Variants in CHN2 observed in about 807,000 individuals in gnomAD.
CHN2 encodes chimerin 2.
In CHN2, 35 loss-of-function variants were observed where a neutral mutation model predicts 56.3. That is an observed-to-expected ratio of 0.62 (90% CI 0.47 to 0.82). The LOEUF (loss-of-function observed/expected upper bound fraction) is 0.82. Ranked by LOEUF, CHN2 falls within the 40% of genes least tolerant of loss-of-function variation. The pLI is 0.00. For synonymous variants in CHN2, 210 were observed against 212.8 expected (o/e 0.99, Z 0.12); for missense variants, 491 against 580.5 (o/e 0.85, Z 1.58).
chr7:29,493,010 T>C (rs1788825121), intron 7 of CHN2, among the ~76,000 whole-genome samples: 1 of 152,220 alleles, frequency 6.6e-6, no homozygotes, highest in Admixed American at 6.5e-5. Flanking sequence ...TATAATCATG[T>C]GCTATATAAC....
chr7:29,152,689 G>T (rs1372236141), intron 2 of CHN2, among the ~76,000 whole-genome samples: 1 of 152,210 alleles, frequency 6.6e-6, no homozygotes, highest in Admixed American at 6.5e-5. Flanking sequence ...ACCTGACACA[G>T]AGCTGTTAAA....
chr7:29,392,018 A>G (rs931606173), intron 3 of CHN2, among the ~76,000 whole-genome samples: 3 of 152,240 alleles, frequency 2.0e-5, no homozygotes, highest in African/African-American at 7.2e-5. Context: ...GGAAGGGAAT[A>G]GGGTTGAGAG....
At chr7:29,487,269 G>A (rs920848551) in intron 7 of CHN2, among the ~76,000 whole-genome samples, 18 of 150,790 alleles carry the variant, frequency 1.2e-4, no homozygotes, top group Admixed American at 1.1e-3. Flanking sequence ...AGGCTGTTTT[G>A]CCAGAAACAA....
At chr7:29,442,075 G>A (rs1294534364) in intron 6 of CHN2, among the ~76,000 whole-genome samples, 2 of 152,128 alleles carry the variant, frequency 1.3e-5, no homozygotes, top group Non-Finnish European at 2.9e-5. Context: ...TGGTATATAC[G>A]TACAGTTGAA....
At chr7:29,195,629 A>AGAGAGAGAGAGAGTGTGTGTGT (rs869037854) in intron 1 of CHN2, among the ~76,000 whole-genome samples, 2 of 117,574 alleles carry the variant, frequency 1.7e-5, no homozygotes, top group African/African-American at 3.6e-5. Context: ...AGAGAGAGAG[A>AGAGAGAGAGAGAGTGTGTGTGT]GTGTGTGTGT....
chr7:29,374,161 A>G (rs1397590330), intron 3 of CHN2, among the ~76,000 whole-genome samples: 1 of 151,846 alleles, frequency 6.6e-6, no homozygotes, highest in Non-Finnish European at 1.5e-5. Context: ...TTCCCCCTTA[A>G]TGCCGACACA....
At chr7:29,453,961 G>A (rs149130856) in intron 6 of CHN2, among the ~76,000 whole-genome samples, 46 of 152,126 alleles carry the variant, frequency 3.0e-4, no homozygotes, top group African/African-American at 9.4e-4. Flanking sequence ...CCCACCTTCC[G>A]TCACGGCCCG....
At chr7:29,195,629 A>AGAGAGAGAGG (rs869037854) in intron 1 of CHN2, among the ~76,000 whole-genome samples, 1 of 117,504 alleles carries the variant, frequency 8.5e-6, no homozygotes, top group African/African-American at 3.6e-5. Context: ...AGAGAGAGAG[A>AGAGAGAGAGG]GTGTGTGTGT....
At chr7:29,354,213 T>C (rs1798109800) in intron 1 of CHN2, among the ~76,000 whole-genome samples, 1 of 152,230 alleles carries the variant, frequency 6.6e-6, no homozygotes, top group Admixed American at 6.5e-5. Context: ...TACTTGCCGC[T>C]TTGCGTCTTG....
upstream of CHN2, chr7:29,191,522 C>A (rs577121675): frequency 1.3e-5 from 2 of 152,262 alleles, no homozygotes; most frequent in African/African-American, 4.8e-5. Context: ...AAGGGGGGAA[C>A]AGAGATTAGA....
At chr7:29,377,932 G>C (rs1800200085) in intron 3 of CHN2, among the ~76,000 whole-genome samples, 1 of 152,184 alleles carries the variant, frequency 6.6e-6, no homozygotes, top group African/African-American at 2.4e-5. Context: ...GCCCAACAAA[G>C]GCATATTTGG....
At chr7:29,448,630 T>G (rs1039775177) in intron 6 of CHN2, among the ~76,000 whole-genome samples, 1 of 152,230 alleles carries the variant, frequency 6.6e-6, no homozygotes, top group East Asian at 1.9e-4. Flanking sequence ...TTCATTTCTG[T>G]AATAGATCAC....
chr7:29,482,109 G>A lies in CHN2; in HGVS notation c.654+1753G>A, dbSNP rs1276009418. On this transcript the variant is annotated intron_variant, in intron 7 of 12. Transcript: ENST00000222792. ...TAACACAATATATTACTTATCACTG[G>A]AAAACACCAGCAGCTCTTCTAATAT... Among the ~76,000 whole-genome samples, 6 of 152,028 alleles carry A rather than the reference G, an allele frequency of 3.9e-5. No individual in the cohort carries two copies. In the South Asian group the frequency reaches 1.2e-3, roughly 32 times the overall value.
chr7:29,339,369 A>G (rs1314737280), intron 1 of CHN2, among the ~76,000 whole-genome samples: 1 of 152,144 alleles, frequency 6.6e-6, no homozygotes, highest in Admixed American at 6.5e-5. Context: ...CTCAGCCCTT[A>G]GCAGTCTCTT....
At chr7:29,283,922 CTTTTTTTT>C (rs70980520) in intron 1 of CHN2, among the ~76,000 whole-genome samples, 6 of 69,956 alleles carry the variant, frequency 8.6e-5, no homozygotes, top group Admixed American at 1.8e-4. Flanking sequence ...CAGCCAAGCT[CTTTTTTTT>C]TTTTTTTTTT....
chr7:29,339,580 C>T (rs1438821848), intron 1 of CHN2, among the ~76,000 whole-genome samples: 1 of 152,080 alleles, frequency 6.6e-6, no homozygotes, highest in Non-Finnish European at 1.5e-5. Flanking sequence ...TAGCCGGGCA[C>T]GGTGGCTCAC....
intron 6 of CHN2, among the ~76,000 whole-genome samples, chr7:29,416,069 C>T (rs1179410366): frequency 6.6e-6 from 1 of 152,172 alleles, no homozygotes; most frequent in East Asian, 1.9e-4. Context: ...CTGCGTTAAC[C>T]TACAGGGCTT....
At chr7:29,376,762 CCCAGATGTACTTCCT>C (rs1435775330) in intron 3 of CHN2, among the ~76,000 whole-genome samples, 1 of 152,132 alleles carries the variant, frequency 6.6e-6, no homozygotes, top group African/African-American at 2.4e-5. Flanking sequence ...CCTTATTTTT[CCCAGATGTACTTCCT>C]CCCAGATGTT....
At chr7:29,307,546 T>C (rs1484794475) in intron 1 of CHN2, among the ~76,000 whole-genome samples, 4 of 152,164 alleles carry the variant, frequency 2.6e-5, no homozygotes, top group Non-Finnish European at 5.9e-5. Flanking sequence ...GTGACCTTGA[T>C]TGAGATGGGC....
Sources: allele counts gnomAD v4.1 joint callset (sites outside exome capture counted in the v4.1 genomes callset), GRCh38; gene constraint gnomAD v4.1.1; transcripts MANE v1.5; gene names NCBI Gene and HGNC (gene_info 2026-07-23, HGNC 2026-07-21).